Variants in CCDC12 observed in about 807,000 individuals in gnomAD.
The protein encoded by CCDC12 is coiled-coil domain containing 12.
A neutral mutation model predicts 25.7 loss-of-function variants in CCDC12; 28 were observed. The observed-to-expected ratio is 1.09, with a 90% confidence interval of 0.81 to 1.50. CCDC12 has a LOEUF of 1.50. Among genes scored for constraint, CCDC12 ranks in the 40% most tolerant of loss-of-function variants. The pLI is 0.00. For missense variants in CCDC12, 198 were observed against 210.0 expected, an observed-to-expected ratio of 0.94 and a Z score of 0.35; for synonymous variants, 75 against 87.7, an observed-to-expected ratio of 0.86 and a Z score of 0.81.
intron 1 of CCDC12, among the ~76,000 whole-genome samples, chr3:46,942,069 G>A (rs1159816665): frequency 6.6e-6 from 1 of 152,226 alleles, no homozygotes. Context: ...ACCTTGACAT[G>A]TTATGCTTGT....
chr3:46,942,618 C>T (rs1476447520), intron 1 of CCDC12, among the ~76,000 whole-genome samples: 1 of 152,226 alleles, frequency 6.6e-6, no homozygotes, highest in East Asian at 1.9e-4. Context: ...CACACAACCT[C>T]CGGGGAGCAG....
At chr3:46,958,101 G>A (rs970588227) in intron 1 of CCDC12, among the ~76,000 whole-genome samples, 16 of 151,838 alleles carry the variant, frequency 1.1e-4, no homozygotes, top group East Asian at 1.9e-4. Context: ...CTTGAAGCAC[G>A]ACAAGATAAC....
intron 1 of CCDC12, among the ~76,000 whole-genome samples, chr3:46,968,315 C>T (rs11130111): frequency 0.49 from 74,722 of 151,444 alleles, 19,830 homozygotes; most frequent in Non-Finnish European, 0.58. Flanking sequence ...ATGAGTAAAG[C>T]CAGGGTGCAG....
intron 2 of CCDC12, 183 bp downstream of exon 2, chr3:46,940,815 G>A: frequency 1.6e-6 from 1 of 629,084 alleles, no homozygotes; most frequent in Non-Finnish European, 2.9e-6. Context: ...AGGAGGCAGA[G>A]AAGGCCTCGA....
chr3:46,951,822 TAC>T (rs1446484063), intron 1 of CCDC12, among the ~76,000 whole-genome samples: 1,272 of 77,940 alleles, frequency 0.016, 148 homozygotes, highest in Middle Eastern at 0.023. Context: ...TATATATATA[TAC>T]TTAATGAGGA....
At chr3:46,973,266 T>A (rs186992820) in intron 1 of CCDC12, among the ~76,000 whole-genome samples, 1 of 150,444 alleles carries the variant, frequency 6.6e-6, no homozygotes, top group African/African-American at 2.4e-5. Flanking sequence ...GGCAGGAGAA[T>A]CGCTTGAACC....
chr3:46,958,608 TA>T (rs1389679711), intron 1 of CCDC12, among the ~76,000 whole-genome samples: 8 of 152,178 alleles, frequency 5.3e-5, no homozygotes, highest in Non-Finnish European at 1.2e-4. Context: ...CAGCACTTTA[TA>T]GAGCTCAAAG....
At position 46,921,912 on chromosome 3, in the gene CCDC12, A is replaced by T; in HGVS notation, c.*145T>A. On this transcript the variant is annotated 3_prime_UTR_variant, in exon 7 of 7. Transcript: ENST00000683445. ...ACCCAGCAGACAAGGAGCTGACCTC[A>T]TCCATGGGGGTTTCAGACTTGATGG... The T allele has an allele frequency of 1.2e-6, 1 of 812,992 alleles. No homozygotes were observed. The highest frequency in any genetic ancestry group is 1.7e-5 in the South Asian group (1 of 57,700). 50.4% of individuals were successfully genotyped at this position (812,992 alleles called of 1,614,324 possible). A position where few individuals can be genotyped will look rare whatever the true frequency, so the allele number is the denominator to read the frequency against.
chr3:46,940,904 GCAGACACTGAACAGAGTTGGGAGGACC>G, intron 2 of CCDC12, 67 bp downstream of exon 2: 1 of 1,189,428 alleles, frequency 8.4e-7, no homozygotes, highest in Non-Finnish European at 1.3e-6. Context: ...AGGGAACAGG[GCAGACACTGAACAGAGTTGGGAGGACC>G]CAGAGACTGG....
At chr3:46,951,798 A>AAAAAAAAAAAATATCCCATATATAT in intron 1 of CCDC12, among the ~76,000 whole-genome samples, 3 of 8,476 alleles carry the variant, frequency 3.5e-4, no homozygotes, top group African/African-American at 7.4e-4. Flanking sequence ...AAAAAAAAAA[A>AAAAAAAAAAAATATCCCATATATAT]ATATATATAT....
chr3:46,946,890 A>C (rs1178410968), intron 1 of CCDC12, among the ~76,000 whole-genome samples: 3 of 152,288 alleles, frequency 2.0e-5, no homozygotes, highest in Middle Eastern at 3.4e-3. Flanking sequence ...CTTCCCAAGG[A>C]CTCAAACTTT....
chr3:46,936,405 A>G (rs1005283135), intron 2 of CCDC12, among the ~76,000 whole-genome samples: 5 of 152,200 alleles, frequency 3.3e-5, no homozygotes, highest in African/African-American at 1.2e-4. Flanking sequence ...CTCTCTCGGG[A>G]GGACCTCACG....
intron 1 of CCDC12, among the ~76,000 whole-genome samples, chr3:46,964,320 G>A (rs1208433333): frequency 1.6e-4 from 24 of 150,316 alleles, no homozygotes; most frequent in East Asian, 4.0e-4. Context: ...CGCCCCATCC[G>A]GGAGGGAGGT....
chr3:46,923,616 G>T lies in CCDC12; in HGVS notation c.297C>A (p.Ile99=). The change falls in exon 4 of 7, where the codon ATC becomes ATA. Residue 99 remains isoleucine, a synonymous_variant. Transcript: ENST00000683445. ...TGGTCCAGGCACTCACCACCTCCTCGATGACGGGCTCGGGCTTGGCGGCCT... is the reference window on the plus strand; with the variant it reads ...TGGTCCAGGCACTCACCACCTCCTCTATGACGGGCTCGGGCTTGGCGGCCT... ...QLEAAKPEPV[I]EEVDLANLAP... The T allele has an allele frequency of 6.3e-7, 1 of 1,599,472 alleles. No individual in the cohort carries two copies. Among genetic ancestry groups the T allele is most frequent in the Non-Finnish European group, 8.5e-7 (1 of 1,172,312 alleles).
chr3:46,981,555 CT>C (rs2107241520), upstream of CCDC12, among the ~76,000 whole-genome samples: 1 of 152,324 alleles, frequency 6.6e-6, no homozygotes, highest in African/African-American at 2.4e-5. Context: ...TCCTGTTTTC[CT>C]GGCCCCATTG....
chr3:46,933,371 A>C (rs1382961026), intron 2 of CCDC12, among the ~76,000 whole-genome samples: 3 of 152,202 alleles, frequency 2.0e-5, no homozygotes, highest in Non-Finnish European at 4.4e-5. Flanking sequence ...GCTGGGGATG[A>C]GATCTGTATG....
chr3:46,976,639 T>G lies in CCDC12; in HGVS notation c.94A>C (p.Lys32Gln). Residue 32 changes from lysine (K) to glutamine (Q), a missense_variant and splice_region_variant, in exon 1 of 7, where the codon AAG (lysine) becomes CAG (glutamine). Physicochemically the swap from Lys to Gln is moderately conservative, Grantham distance 53. Transcript: ENST00000683445. ...LKALREKTGR[K>Q]DKEDGEPKTK... is the part of the protein sequence containing the mutation. ...GACCCTCACTCCACACTTCTCACCT[T>G]GCGCCCGGTTTTCTCCCGTAGGGCC... The G allele has an allele frequency of 1.2e-6, 2 of 1,610,452 alleles. No homozygotes were observed. Among genetic ancestry groups the G allele is most frequent in the Non-Finnish European group, 1.7e-6 (2 of 1,178,356 alleles).
At chr3:46,960,605 G>A (rs571949822) in intron 1 of CCDC12, among the ~76,000 whole-genome samples, 3 of 152,344 alleles carry the variant, frequency 2.0e-5, no homozygotes, top group African/African-American at 7.2e-5. Context: ...ACAGGGCACC[G>A]TTGCCGAAGC....
At chr3:46,956,716 G>A (rs372739587) in intron 1 of CCDC12, among the ~76,000 whole-genome samples, 1 of 151,202 alleles carries the variant, frequency 6.6e-6, no homozygotes, top group Non-Finnish European at 1.5e-5. Context: ...AGCTACTTGG[G>A]GGGCTGAGGT....
Sources: allele counts gnomAD v4.1 joint callset (sites outside exome capture counted in the v4.1 genomes callset), GRCh38; gene constraint gnomAD v4.1.1; transcripts MANE v1.5; gene names NCBI Gene and HGNC (gene_info 2026-07-23, HGNC 2026-07-21).